Variants in PSD3 observed in about 807,000 individuals in gnomAD.
PSD3 encodes the protein PH and SEC7 domain-containing protein 3.
A neutral mutation model predicts 105.5 loss-of-function variants in PSD3; 49 were observed. That is an observed-to-expected ratio of 0.46 (90% CI 0.37 to 0.59). The LOEUF (loss-of-function observed/expected upper bound fraction) is 0.59. Among genes scored for constraint, PSD3 ranks in the 20% least tolerant of loss-of-function variants. The probability of loss-of-function intolerance (pLI) is 0.00; values close to 1 mark genes in which losing one functional copy is unlikely to be tolerated. For synonymous variants in PSD3, 557 were observed against 457.8 expected (o/e 1.22, Z -2.77); for missense variants, 1,561 against 1,263.8 (o/e 1.24, Z -3.57).
intron 12 of PSD3, among the ~76,000 whole-genome samples, chr8:18,586,426 T>C (rs1414156736): frequency 6.6e-6 from 1 of 152,222 alleles, no homozygotes; most frequent in African/African-American, 2.4e-5. Context: ...AATTGTTCTA[T>C]ATGGGTAAAA....
At chr8:18,895,980 T>A (rs1819124139) in intron 2 of PSD3, among the ~76,000 whole-genome samples, 1 of 152,208 alleles carries the variant, frequency 6.6e-6, no homozygotes, top group Non-Finnish European at 1.5e-5. Flanking sequence ...CCCTCCACAC[T>A]TCCCTGCCTC....
chr8:18,725,652 G>A (rs973083099), intron 9 of PSD3, among the ~76,000 whole-genome samples: 1 of 152,140 alleles, frequency 6.6e-6, no homozygotes, highest in African/African-American at 2.4e-5. Context: ...CCCACTGAAA[G>A]GAACTTTTAT....
chr8:18,819,567 T>C (rs532248254), intron 4 of PSD3, among the ~76,000 whole-genome samples: 2 of 148,500 alleles, frequency 1.3e-5, no homozygotes, highest in East Asian at 4.1e-4. Flanking sequence ...TCTTTAAAAT[T>C]AGAATGGATT....
intron 4 of PSD3, among the ~76,000 whole-genome samples, chr8:18,809,739 T>C (rs529364621): frequency 6.6e-6 from 1 of 152,328 alleles, no homozygotes; most frequent in East Asian, 1.9e-4. Flanking sequence ...ACAATTAGAA[T>C]CCTTCTGGAT....
intron 9 of PSD3, among the ~76,000 whole-genome samples, chr8:18,728,447 G>C (rs1803490112): frequency 6.6e-6 from 1 of 152,208 alleles, no homozygotes; most frequent in Admixed American, 6.5e-5. Flanking sequence ...ACAGCTAACG[G>C]AAGACTTGAA....
chr8:18,654,915 G>C (rs1808778658), intron 10 of PSD3, among the ~76,000 whole-genome samples: 2 of 152,120 alleles, frequency 1.3e-5, no homozygotes, highest in Non-Finnish European at 2.9e-5. Context: ...CATGATCTAT[G>C]ATGATAGGAA....
intron 12 of PSD3, among the ~76,000 whole-genome samples, chr8:18,595,392 G>C (rs1438460938): frequency 6.6e-6 from 1 of 151,080 alleles, no homozygotes; most frequent in Non-Finnish European, 1.5e-5. Context: ...CTTTAAATAT[G>C]AATGGATTAA....
chr8:18,562,615 C>A (rs944315580), intron 14 of PSD3, among the ~76,000 whole-genome samples: 5 of 152,142 alleles, frequency 3.3e-5, no homozygotes, highest in African/African-American at 1.2e-4. Flanking sequence ...CAGGCTGGGC[C>A]TGGTGACTCA....
Position 18,535,648 on chromosome 8 carries a change from A to AC in PSD3, c.*94dup. The AC allele has an allele frequency of 1.2e-6, 1 of 853,018 alleles. No homozygotes were observed. The highest frequency in any genetic ancestry group is 1.8e-6 in the Non-Finnish European group (1 of 557,634). The allele number at this position is 853,018 out of a possible 1,614,324, so 52.8% of individuals were successfully genotyped here. A position where few individuals can be genotyped will look rare whatever the true frequency, so the allele number is the denominator to read the frequency against. Reference sequence around the variant, plus strand: ...TTACTAATGCACCGTTTTGTCACAGACTTTTTTTTTTTAAATATATTCACG... The same window carrying AC: ...TTACTAATGCACCGTTTTGTCACAGACCTTTTTTTTTTTAAATATATTCACG... On this transcript the variant is annotated 3_prime_UTR_variant, in exon 16 of 16. Coordinates refer to ENST00000327040, the MANE Select transcript of PSD3 (RefSeq NM_015310.4).
chr8:18,699,528 G>A (rs1012722764), intron 9 of PSD3, among the ~76,000 whole-genome samples: 1 of 152,078 alleles, frequency 6.6e-6, no homozygotes, highest in African/African-American at 2.4e-5. Context: ...AGTGAAAACT[G>A]GGGACTTATA....
chr8:18,658,147 G>C (rs890080411), intron 9 of PSD3, among the ~76,000 whole-genome samples: 10 of 152,292 alleles, frequency 6.6e-5, no homozygotes, highest in African/African-American at 2.2e-4. Context: ...ACATAGAATA[G>C]AATTTTTTTT....
chr8:18,896,034 T>G (rs1194429365), intron 2 of PSD3, among the ~76,000 whole-genome samples: 1 of 152,212 alleles, frequency 6.6e-6, no homozygotes, highest in Non-Finnish European at 1.5e-5. Context: ...TCAACTTTTT[T>G]AGCTTCCACA....
intron 10 of PSD3, among the ~76,000 whole-genome samples, chr8:18,650,610 T>C (rs1453366305): frequency 6.6e-6 from 1 of 152,208 alleles, no homozygotes; most frequent in Non-Finnish European, 1.5e-5. Context: ...TCATGTTGTG[T>C]TCTCATTAGG....
At chr8:18,842,426 T>C (rs982876278) in intron 4 of PSD3, among the ~76,000 whole-genome samples, 1 of 152,222 alleles carries the variant, frequency 6.6e-6, no homozygotes, top group Non-Finnish European at 1.5e-5. Flanking sequence ...TTAAGATAAA[T>C]AGCTCTCACA....
chr8:19,016,138 G>C (rs1483743236), upstream of PSD3, among the ~76,000 whole-genome samples: 1 of 152,184 alleles, frequency 6.6e-6, no homozygotes, highest in Non-Finnish European at 1.5e-5. Context: ...TAAAAATGAA[G>C]TAAGAATCCC....
chr8:19,082,472 C>T (rs1829674119), intron 1 of PSD3, among the ~76,000 whole-genome samples: 2 of 152,192 alleles, frequency 1.3e-5, no homozygotes, highest in Admixed American at 6.5e-5. Context: ...AGAGCTCTGG[C>T]GGGTTGCTCT....
intron 1 of PSD3, among the ~76,000 whole-genome samples, chr8:18,956,063 C>T (rs775550577): frequency 4.6e-5 from 7 of 152,012 alleles, no homozygotes; most frequent in Non-Finnish European, 8.8e-5. Flanking sequence ...CCACCATGCC[C>T]GGCCTATATT....
chr8:18,905,306 C>G (rs1211800947), intron 2 of PSD3, among the ~76,000 whole-genome samples: 1 of 152,154 alleles, frequency 6.6e-6, no homozygotes, highest in Non-Finnish European at 1.5e-5. Context: ...CTCACCAACT[C>G]TCAGTGACTT....
At chr8:18,743,197 G>T (rs1398379790) in intron 9 of PSD3, among the ~76,000 whole-genome samples, 1 of 152,038 alleles carries the variant, frequency 6.6e-6, no homozygotes, top group Admixed American at 6.6e-5. Context: ...GAATAACAGC[G>T]AAAAAAGCAT....
Sources: gnomAD v4.1 joint callset for allele counts (sites outside exome capture counted in the v4.1 genomes callset) on GRCh38, gnomAD v4.1.1 for gene constraint, MANE v1.5 for transcripts, NCBI Gene and HGNC (gene_info 2026-07-23, HGNC 2026-07-21) for gene names.